SYTL2: variants seen among roughly 807,000 people sequenced by gnomAD.
SYTL2 encodes the protein synaptotagmin like 2.
SYTL2 carries 165 observed loss-of-function variants against 198.7 expected under a neutral mutation model. That is an observed-to-expected ratio of 0.83 (90% CI 0.73 to 0.94). SYTL2 has a LOEUF of 0.94. Ranked by LOEUF, SYTL2 falls within the 40% of genes least tolerant of loss-of-function variation. The pLI, the probability that SYTL2 is intolerant of heterozygous loss-of-function variation, is 0.00. For missense variants in SYTL2, 2,835 were observed against 2,582.8 expected (o/e 1.10, Z -2.12); for synonymous variants, 966 against 917.7 (o/e 1.05, Z -0.95).
chr11:85,813,651 C>G (rs1418230446), upstream of SYTL2, among the ~76,000 whole-genome samples: 1 of 152,128 alleles, frequency 6.6e-6, no homozygotes, highest in Non-Finnish European at 1.5e-5. Flanking sequence ...GGACAAGTCA[C>G]TTAATTTCCT....
At chr11:85,817,139 G>C in the SYTL2 span, among the ~76,000 whole-genome samples, 1 of 152,170 alleles carries the variant, frequency 6.6e-6, no homozygotes, top group African/African-American at 2.4e-5. Context: ...TTGAGCACTT[G>C]TGTGACAAAG....
upstream of SYTL2, among the ~76,000 whole-genome samples, chr11:85,814,327 T>C (rs1215172936): frequency 1.3e-5 from 2 of 152,210 alleles, no homozygotes; most frequent in Non-Finnish European, 2.9e-5. Flanking sequence ...GTCCCCCTCC[T>C]TCAGTGTATG....
chr11:85,715,224 G>A (rs2153437060), intron 11 of SYTL2: 1 of 152,196 alleles, frequency 6.6e-6, no homozygotes, highest in Non-Finnish European at 1.5e-5. Flanking sequence ...GGTACAAGAA[G>A]AGGATAAATT....
In SYTL2 at chr11:85,717,501, T is replaced by G; in HGVS notation, c.5512A>C (p.Asn1838His). The G allele has an allele frequency of 1.2e-6, 2 of 1,613,300 alleles. No individual in the cohort carries two copies. The highest frequency in any genetic ancestry group is 2.2e-5 in the South Asian group (2 of 91,060). ...DEKPDQKPVT[N>H]ECVPRISTVP... ...TACTCACTTCTTGGTACGCATTCAT[T>G]TGTAACTGGCTTCTGATCTGGTTTC... Residue 1838 changes from asparagine (N) to histidine (H), a missense_variant, in exon 11 of 20, where the codon AAT (asparagine) becomes CAT (histidine). Transcript: ENST00000359152.
intron 1 of SYTL2, among the ~76,000 whole-genome samples, chr11:85,782,270 C>A (rs2092573126): frequency 6.6e-6 from 1 of 152,206 alleles, no homozygotes; most frequent in Non-Finnish European, 1.5e-5. Flanking sequence ...GTACCTTGGT[C>A]TCTTTAAGCC....
the SYTL2 span, among the ~76,000 whole-genome samples, chr11:85,829,246 G>A: frequency 1.3e-5 from 2 of 152,050 alleles, no homozygotes; most frequent in Admixed American, 1.3e-4. Context: ...CCCTCATCTG[G>A]TAGTCCTGAG....
intron 17 of SYTL2, 21 bp downstream of exon 17, chr11:85,700,494 G>C: frequency 6.3e-7 from 1 of 1,583,782 alleles, no homozygotes; most frequent in Non-Finnish European, 8.7e-7. Flanking sequence ...ACATAAATCT[G>C]AATAGAAAGT....
At chr11:85,829,952 A>G in the SYTL2 span, among the ~76,000 whole-genome samples, 1 of 152,262 alleles carries the variant, frequency 6.6e-6, no homozygotes, top group Non-Finnish European at 1.5e-5. Flanking sequence ...CTCATTTTAC[A>G]GATTGGAAAC....
intron 1 of SYTL2, among the ~76,000 whole-genome samples, chr11:85,758,404 T>A (rs2091977050): frequency 6.6e-6 from 1 of 152,212 alleles, no homozygotes; most frequent in South Asian, 2.1e-4. Context: ...ACTCTGGGGA[T>A]GCTAGGCTAA....
rs541610713 is a variant in SYTL2 at position 85,694,850 on chromosome 11, T to C, written c.*345A>G. 9.7e-4 allele frequency: 165 copies of C among 169,824 alleles called. 1 individual carries two copies. Among genetic ancestry groups the C allele is most frequent in the South Asian group, 4.9e-3 (30 of 6,114 alleles). The allele number at this position is 169,824 out of a possible 1,614,324, so 10.5% of individuals were successfully genotyped here. A position where few individuals can be genotyped will look rare whatever the true frequency, so the allele number is the denominator to read the frequency against. ...TCTTAACTGTGGCACAGAATTGTGGTGTGAAACACATGATGGCAAACAAGA... is the reference window on the plus strand; with the variant it reads ...TCTTAACTGTGGCACAGAATTGTGGCGTGAAACACATGATGGCAAACAAGA... On this transcript the variant is annotated 3_prime_UTR_variant, in exon 20 of 20. Transcript: ENST00000359152.
intron 7 of SYTL2, among the ~76,000 whole-genome samples, chr11:85,732,603 G>A (rs560064381): frequency 3.3e-5 from 5 of 152,274 alleles, no homozygotes; most frequent in African/African-American, 9.6e-5. Flanking sequence ...GGGTGGGCAG[G>A]GGGTGGGGAG....
In SYTL2 at chr11:85,725,349, C is replaced by T; in HGVS notation, c.4009G>A (p.Ala1337Thr). 6.2e-7 allele frequency: 1 copy of T among 1,613,878 alleles called. No homozygotes were observed. Among genetic ancestry groups the T allele is most frequent in the Non-Finnish European group, 8.5e-7 (1 of 1,179,884 alleles). ...ACCCTAGCCTGGGGAACAAGATGAG[C>T]ATCCTGGGGAAAAAGCATATCTTGG... ...PPQDMLFPQD[A>T]HLVPQARVHP... Residue 1337 changes from alanine (A) to threonine (T), a missense_variant, in exon 8 of 20, where the codon GCT (alanine) becomes ACT (threonine). By Grantham distance (58) the Ala-to-Thr change is moderately conservative. Coordinates refer to ENST00000359152, the MANE Select transcript of SYTL2 (RefSeq NM_206927.4).
upstream of SYTL2, among the ~76,000 whole-genome samples, chr11:85,812,486 G>T (rs1361848874): frequency 6.6e-6 from 1 of 152,142 alleles, no homozygotes; most frequent in Non-Finnish European, 1.5e-5. Context: ...ATAAGCCACT[G>T]GTCTTGCCTT....
At chr11:85,708,837 A>ACTTTT (rs767972741) in intron 14 of SYTL2, among the ~76,000 whole-genome samples, 25 of 71,594 alleles carry the variant, frequency 3.5e-4, no homozygotes, top group African/African-American at 1.4e-3. Context: ...CTTCTCTGTG[A>ACTTTT]TTTTTTTTTT....
upstream of SYTL2, among the ~76,000 whole-genome samples, chr11:85,813,572 G>A (rs1242468026): frequency 6.6e-6 from 1 of 152,208 alleles, no homozygotes; most frequent in Non-Finnish European, 1.5e-5. Flanking sequence ...GGGATAGCAT[G>A]GTGTAAGGTT....
intron 1 of SYTL2, among the ~76,000 whole-genome samples, chr11:85,765,970 A>C (rs993084707): frequency 6.6e-6 from 1 of 152,186 alleles, no homozygotes; most frequent in Admixed American, 6.5e-5. Context: ...CCATAATACA[A>C]GTATGTCAGC....
chr11:85,702,687 C>T (rs1425221920), intron 16 of SYTL2, among the ~76,000 whole-genome samples: 2 of 152,154 alleles, frequency 1.3e-5, no homozygotes, highest in East Asian at 3.8e-4. Context: ...GTGGTCTGTG[C>T]CTGCTGTATC....
At position 85,727,004 on chromosome 11, in the gene SYTL2, T is replaced by G; in HGVS notation, c.2354A>C (p.Gln785Pro). The G allele has an allele frequency of 6.5e-7, 1 of 1,536,588 alleles. No individual in the cohort carries two copies. Among genetic ancestry groups the G allele is most frequent in the Non-Finnish European group, 8.7e-7 (1 of 1,146,976 alleles). The change falls in exon 8 of 20, where the codon CAG (glutamine) becomes CCG (proline). Residue 785 changes from glutamine to proline, a missense_variant. Physicochemically the swap from Gln to Pro is moderately conservative, Grantham distance 76. Around this residue, in one of 3 missense-constraint regions of SYTL2, gnomAD observed 2,645 missense variants for 2,381.7 expected, o/e 1.11. Transcript: ENST00000359152. Reference sequence around the variant, plus strand: ...ACTCACTCTTTTGTATTTCTCTCTCTGCACTTGGTTCTTGGGAACCTCACC... The same window carrying G: ...ACTCACTCTTTTGTATTTCTCTCTCGGCACTTGGTTCTTGGGAACCTCACC... Reference protein sequence around the residue: ...EAGEVPKNQVQREKYKRVSDR... With the variant: ...EAGEVPKNQVPREKYKRVSDR...
Position 85,736,570 on chromosome 11 carries a change from A to G in SYTL2, c.517T>C (p.Ser173Pro). The part of the protein sequence containing the change: ...FNSSKLPEGH[S>P]SQQTKNEQSK... The stretch of plus-strand genomic sequence containing the variant: ...TGTTCATTTTTAGTTTGTTGTGATG[A>G]GTGACCTTCTGGCAACTTGGAGCTA... Residue 173 changes from serine to proline, a missense_variant, in exon 6 of 20, where the codon TCA becomes CCA. Coordinates refer to ENST00000359152, the MANE Select transcript of SYTL2 (RefSeq NM_206927.4). 1 of 1,607,322 alleles carries G rather than the reference A, an allele frequency of 6.2e-7. No individual in the cohort carries two copies. Among genetic ancestry groups the G allele is most frequent in the Non-Finnish European group, 8.5e-7 (1 of 1,174,978 alleles).
Sources: allele counts gnomAD v4.1 joint callset (sites outside exome capture counted in the v4.1 genomes callset), GRCh38; gene constraint gnomAD v4.1.1; regional missense constraint gnomAD v4.1.1; transcripts MANE v1.5; gene names NCBI Gene and HGNC (gene_info 2026-07-23, HGNC 2026-07-21).